KCNAB2: variants seen among roughly 807,000 people sequenced by gnomAD.
KCNAB2 encodes the protein potassium voltage-gated channel subfamily A regulatory beta subunit 2, also known as voltage-gated potassium channel subunit beta-2.
Under a neutral mutation model 63.6 loss-of-function variants are expected in KCNAB2, and 29 were observed. The ratio of observed to expected loss-of-function variants is 0.46; its 90% CI spans 0.34 to 0.62. KCNAB2 has a LOEUF of 0.62. Among genes scored for constraint, KCNAB2 ranks in the 20% least tolerant of loss-of-function variants. The probability of loss-of-function intolerance (pLI) is 0.01; values close to 1 mark genes in which losing one functional copy is unlikely to be tolerated. For synonymous variants in KCNAB2, 222 were observed against 224.2 expected, an observed-to-expected ratio of 0.99 and a Z score of 0.09; for missense variants, 359 against 563.9, an observed-to-expected ratio of 0.64 and a Z score of 3.68.
chr1:6,014,263 G>A (rs780218546), intron 1 of KCNAB2, among the ~76,000 whole-genome samples: 3 of 152,194 alleles, frequency 2.0e-5, no homozygotes, highest in African/African-American at 4.8e-5. Flanking sequence ...CTGGACCCCC[G>A]CCATCCAATG....
rs1193205742 is a variant in KCNAB2 at position 6,071,494 on chromosome 1, A to G, written c.219-1261A>G. Among the ~76,000 whole-genome samples the G allele has an allele frequency of 6.6e-6, 1 of 152,198 alleles. No homozygotes were observed. The stretch of plus-strand genomic sequence containing the variant: ...ATCTGGGCAGATCACGCCCTGCTTA[A>G]CAGGCTGGGGTGTGGGATGCATGCC... On this transcript the variant is annotated intron_variant, in intron 2 of 15. Coordinates refer to ENST00000378083, the MANE Select transcript of KCNAB2 (RefSeq NM_001199862.2). The surrounding 1 kb of genome is among the most constrained non-coding windows in gnomAD (Gnocchi z 8.5).
intron 2 of KCNAB2, among the ~76,000 whole-genome samples, chr1:6,056,268 C>G (rs1332092263): frequency 6.6e-6 from 1 of 152,220 alleles, no homozygotes; most frequent in Non-Finnish European, 1.5e-5. Flanking sequence ...TGATCTCAAA[C>G]TCCTGACCTC....
Position 6,087,612 on chromosome 1 carries a change from G to C in KCNAB2, c.470+101G>C. ...CTAGAAGGCTCCTGGGGTGGCGGGA[G>C]GACAGTCCTCCTTGAGAAGGGAGAG... is the stretch of plus-strand genomic sequence containing the variant. On this transcript the variant is annotated intron_variant, in intron 7 of 15. Coordinates refer to ENST00000378083, the MANE Select transcript of KCNAB2 (RefSeq NM_001199862.2). This position sits in a 1 kb window ranked among gnomAD's most constrained non-coding sequence, Gnocchi z 6.4. 1 of 1,256,372 alleles carries C rather than the reference G, an allele frequency of 8.0e-7. No homozygotes were observed. The highest frequency in any genetic ancestry group is 1.7e-5 in the Admixed American group (1 of 57,784). 77.8% of individuals were successfully genotyped at this position (1,256,372 alleles called of 1,614,324 possible). A position where few individuals can be genotyped will look rare whatever the true frequency, so the allele number is the denominator to read the frequency against.
intron 1 of KCNAB2, among the ~76,000 whole-genome samples, chr1:6,006,152 C>T (rs199519825): frequency 2.0e-4 from 1 of 5,034 alleles, no homozygotes; most frequent in Admixed American, 2.2e-3. Flanking sequence ...CAGCTCAGCT[C>T]CCACATCCCC....
upstream of KCNAB2, among the ~76,000 whole-genome samples, chr1:6,043,985 C>A (rs1482128209): frequency 2.6e-5 from 4 of 152,232 alleles, no homozygotes; most frequent in African/African-American, 9.7e-5. Flanking sequence ...TCCATCTTCC[C>A]ATGCTTAACT....
intron 1 of KCNAB2, among the ~76,000 whole-genome samples, chr1:6,036,463 AC>A (rs550293142): frequency 5.1e-4 from 78 of 152,326 alleles, no homozygotes; most frequent in South Asian, 1.9e-3. Context: ...AGATTGTGCC[AC>A]TGTACTCCAG....
chr1:6,072,084 AC>A (rs1248206173), intron 2 of KCNAB2, among the ~76,000 whole-genome samples: 1 of 152,006 alleles, frequency 6.6e-6, no homozygotes, highest in Non-Finnish European at 1.5e-5. Context: ...GTTCCTGTGG[AC>A]CCTGGGATGC....
intron 4 of KCNAB2, among the ~76,000 whole-genome samples, chr1:6,080,016 TG>T (rs2100700433): frequency 6.6e-6 from 1 of 152,282 alleles, no homozygotes; most frequent in South Asian, 2.1e-4. Context: ...CAGAAACATA[TG>T]GGTAGTGTGC....
At chr1:5,997,140 A>G (rs1656984642) in intron 1 of KCNAB2, among the ~76,000 whole-genome samples, 1 of 152,152 alleles carries the variant, frequency 6.6e-6, no homozygotes, top group African/African-American at 2.4e-5. Flanking sequence ...CCCCTCTTCC[A>G]GTCGGACGAG....
chr1:6,066,056 G>A (rs1049308756), intron 2 of KCNAB2, among the ~76,000 whole-genome samples: 94 of 152,344 alleles, frequency 6.2e-4, no homozygotes, highest in African/African-American at 2.1e-3. Context: ...CTGAGCACCC[G>A]GCCTCAGCAT....
chr1:6,013,802 C>T (rs375356078), intron 1 of KCNAB2, among the ~76,000 whole-genome samples: 1 of 152,300 alleles, frequency 6.6e-6, no homozygotes, highest in East Asian at 1.9e-4. Context: ...CACCCACCCC[C>T]TGCTGCTGCC....
chr1:6,041,770 T>C (rs1660519313), upstream of KCNAB2: 2 of 1,472,582 alleles, frequency 1.4e-6, no homozygotes, highest in Non-Finnish European at 1.9e-6. Flanking sequence ...TGATGCCAAC[T>C]GTGGACTCTC....
intron 1 of KCNAB2, among the ~76,000 whole-genome samples, chr1:6,025,673 A>G (rs946574604): frequency 6.6e-6 from 1 of 152,232 alleles, no homozygotes; most frequent in African/African-American, 2.4e-5. Flanking sequence ...TGGGCTTCTC[A>G]GCAGTGCACA....
upstream of KCNAB2, among the ~76,000 whole-genome samples, chr1:6,032,398 G>A (rs1220304217): frequency 6.6e-6 from 1 of 152,146 alleles, no homozygotes; most frequent in Non-Finnish European, 1.5e-5. Flanking sequence ...GGCCAACATG[G>A]TGAAACCATG....
intron 1 of KCNAB2, among the ~76,000 whole-genome samples, chr1:6,002,869 A>C (rs540379129): frequency 3.3e-5 from 5 of 152,280 alleles, no homozygotes; most frequent in Non-Finnish European, 4.4e-5. Context: ...CTCTGCCGTC[A>C]CTGTTGTCCT....
upstream of KCNAB2, chr1:6,041,792 C>T: frequency 6.3e-7 from 1 of 1,583,894 alleles, no homozygotes. Context: ...CTCTTCTCTC[C>T]CTTTCTCCTT....
chr1:6,094,716 G>A (rs909303202), intron 11 of KCNAB2, among the ~76,000 whole-genome samples: 1 of 152,204 alleles, frequency 6.6e-6, no homozygotes, highest in Non-Finnish European at 1.5e-5. Flanking sequence ...ATGGCTTAAC[G>A]TCTCTGAGCT....
chr1:6,004,847 G>A (rs1226248829), intron 1 of KCNAB2, among the ~76,000 whole-genome samples: 3 of 151,994 alleles, frequency 2.0e-5, no homozygotes, highest in Admixed American at 6.6e-5. Context: ...CTCCAGCCCC[G>A]TCTCCCTCCA....
At chr1:6,054,808 C>T (rs1432402111) in intron 2 of KCNAB2, among the ~76,000 whole-genome samples, 2 of 152,204 alleles carry the variant, frequency 1.3e-5, no homozygotes, top group Non-Finnish European at 2.9e-5. Context: ...CAAATGAAGA[C>T]TTGGCCCACA....
Sources: gnomAD v4.1 joint callset for allele counts (sites outside exome capture counted in the v4.1 genomes callset) on GRCh38, gnomAD v4.1.1 for gene constraint, Gnocchi (gnomAD v3.1) non-coding constraint, MANE v1.5 for transcripts, NCBI Gene and HGNC (gene_info 2026-07-23, HGNC 2026-07-21) for gene names.